Variants in ANKIB1 observed in about 807,000 individuals in gnomAD.
ANKIB1 encodes ankyrin repeat and IBR domain containing 1.
A neutral mutation model predicts 122.1 loss-of-function variants in ANKIB1; 43 were observed. The ratio of observed to expected loss-of-function variants is 0.35; its 90% CI spans 0.28 to 0.45. The LOEUF (loss-of-function observed/expected upper bound fraction) is 0.45. Among genes scored for constraint, ANKIB1 ranks in the 20% least tolerant of loss-of-function variants. The pLI is 1.00. For synonymous variants in ANKIB1, 390 were observed against 442.0 expected, an observed-to-expected ratio of 0.88 and a Z score of 1.48; for missense variants, 992 against 1,329.5, an observed-to-expected ratio of 0.75 and a Z score of 3.95.
chr7:92,350,043 G>A (rs935790005), intron 7 of ANKIB1, among the ~76,000 whole-genome samples: 2 of 149,450 alleles, frequency 1.3e-5, no homozygotes, highest in Non-Finnish European at 1.5e-5. Context: ...AGAAAAAAAA[G>A]AACCCTGCTT....
At chr7:92,266,631 G>A (rs1443475464) in intron 1 of ANKIB1, among the ~76,000 whole-genome samples, 9 of 152,148 alleles carry the variant, frequency 5.9e-5, no homozygotes, top group Admixed American at 5.9e-4. Flanking sequence ...CTCACTGGGG[G>A]CACTGTGTAC....
intron 3 of ANKIB1, among the ~76,000 whole-genome samples, chr7:92,316,609 A>G (rs534069416): frequency 3.7e-4 from 57 of 152,260 alleles, no homozygotes; most frequent in African/African-American, 1.1e-3. Flanking sequence ...CCTCACCCCA[A>G]CTGCAGTCAA....
rs1256231560 is a variant in ANKIB1 at position 92,343,033 on chromosome 7, G to A, written c.797G>A (p.Arg266Lys). 4 of 1,613,790 alleles carry A rather than the reference G, an allele frequency of 2.5e-6. No individual in the cohort carries two copies. The highest frequency in any genetic ancestry group is 3.3e-5 in the Admixed American group (2 of 59,990). ...EALLRAHDWDREKLLEAWMSN... is the reference protein window; with the variant it reads ...EALLRAHDWDKEKLLEAWMSN... ...TCCATTTTTCTTTAAGACTGGGACA[G>A]GGAGAAATTACTTGAAGCTTGGATG... Residue 266 changes from arginine to lysine, a missense_variant, in exon 6 of 20, where the codon AGG becomes AAG. This residue lies in a region of ANKIB1 where 521 missense variants were observed against 777.7 expected (regional missense o/e 0.67). Coordinates refer to ENST00000265742, the MANE Select transcript of ANKIB1 (RefSeq NM_019004.2).
intron 1 of ANKIB1, among the ~76,000 whole-genome samples, chr7:92,274,281 A>T (rs1399229098): frequency 6.6e-6 from 1 of 152,194 alleles, no homozygotes; most frequent in Non-Finnish European, 1.5e-5. Context: ...GTAGTCCCTA[A>T]CTTTAAGGAA....
intron 2 of ANKIB1, among the ~76,000 whole-genome samples, chr7:92,298,967 G>C (rs1180366507): frequency 6.6e-6 from 1 of 152,180 alleles, no homozygotes; most frequent in African/African-American, 2.4e-5. Flanking sequence ...GCTGTTGTTT[G>C]AGTTGTGAGT....
chr7:92,269,844 C>T (rs1014720154), intron 1 of ANKIB1, among the ~76,000 whole-genome samples: 16 of 151,380 alleles, frequency 1.1e-4, no homozygotes, highest in African/African-American at 3.9e-4. Context: ...ATGTGTACAG[C>T]GTGCAGGTTT....
At position 92,391,256 on chromosome 7, in the gene ANKIB1, T is replaced by C. The variant is rs776468244; in HGVS notation, c.2143T>C (p.Cys715Arg). 7 of 1,613,384 alleles carry C rather than the reference T, an allele frequency of 4.3e-6. No homozygotes were observed. The African/African-American group carries it at 6.7e-5, about 15-fold the overall frequency. The stretch of plus-strand genomic sequence containing the variant: ...CCGCCACAAGATCATCAAAGCAGCA[T>C]GCCTTGTACAGCAGAAGAGGCAAGA... ...TPRHKIIKAA[C>R]LVQQKRQEFL... The change falls in exon 16 of 20, where the codon TGC becomes CGC. Residue 715 changes from cysteine to arginine, a missense_variant. Cys to Arg is a radical substitution (Grantham distance 180). This residue lies in a region of ANKIB1 where 521 missense variants were observed against 777.7 expected (regional missense o/e 0.67). Coordinates refer to ENST00000265742, the MANE Select transcript of ANKIB1 (RefSeq NM_019004.2).
At chr7:92,316,559 G>A (rs1802796918) in intron 3 of ANKIB1, among the ~76,000 whole-genome samples, 2 of 152,158 alleles carry the variant, frequency 1.3e-5, no homozygotes, top group South Asian at 4.1e-4. Context: ...TTCTCTACAG[G>A]TGCCAAATGG....
At chr7:92,361,191 T>C (rs1338881201) in intron 9 of ANKIB1, among the ~76,000 whole-genome samples, 1 of 152,220 alleles carries the variant, frequency 6.6e-6, no homozygotes, top group African/African-American at 2.4e-5. Context: ...AAAATGGCAG[T>C]TCATCAAGGC....
At chr7:92,357,292 C>G (rs1803835328) in intron 9 of ANKIB1, among the ~76,000 whole-genome samples, 1 of 152,022 alleles carries the variant, frequency 6.6e-6, no homozygotes, top group Admixed American at 6.6e-5. Flanking sequence ...TAAACCCACC[C>G]TATTGGTGTC....
At chr7:92,278,251 AAAAT>A (rs1175439913) in intron 1 of ANKIB1, among the ~76,000 whole-genome samples, 6 of 152,258 alleles carry the variant, frequency 3.9e-5, no homozygotes, top group African/African-American at 1.2e-4. Context: ...ACCCTGTCTC[AAAAT>A]AAATAAATAA....
chr7:92,352,452 G>C, intron 8 of ANKIB1, 24 bp from the exon 9 acceptor site: 1 of 1,609,836 alleles, frequency 6.2e-7, no homozygotes, highest in Non-Finnish European at 8.5e-7. Flanking sequence ...TTTCTTTTGT[G>C]TTTTGTTATT....
At chr7:92,378,527 A>T (rs1043791113) in intron 11 of ANKIB1, among the ~76,000 whole-genome samples, 1 of 152,138 alleles carries the variant, frequency 6.6e-6, no homozygotes, top group African/African-American at 2.4e-5. Context: ...AAACAGTCAA[A>T]GAAATAGAAT....
chr7:92,398,068 A>C, intron 19 of ANKIB1, 144 bp from the exon 20 acceptor site: 1 of 1,101,196 alleles, frequency 9.1e-7, no homozygotes, highest in Non-Finnish European at 1.2e-6. Flanking sequence ...ATGGAGAAAA[A>C]TACAAGATTT....
At chr7:92,319,273 C>A in intron 3 of ANKIB1, 57 bp from the exon 4 acceptor site, 1 of 1,045,122 alleles carries the variant, frequency 9.6e-7, no homozygotes, top group Non-Finnish European at 1.4e-6. Context: ...TTAAAAATAG[C>A]ATGAAATAAC....
intron 1 of ANKIB1, among the ~76,000 whole-genome samples, chr7:92,258,292 T>C (rs1348903698): frequency 2.0e-5 from 3 of 152,242 alleles, no homozygotes; most frequent in Non-Finnish European, 4.4e-5. Flanking sequence ...AGGGATTTTA[T>C]AGTCTAGTAG....
chr7:92,306,367 A>G (rs777784991), intron 2 of ANKIB1, among the ~76,000 whole-genome samples: 1 of 152,060 alleles, frequency 6.6e-6, no homozygotes, highest in Admixed American at 6.5e-5. Context: ...CAACTCTTAG[A>G]TCTGGGTTTG....
At chr7:92,383,493 T>TA (rs757102299) in intron 11 of ANKIB1, among the ~76,000 whole-genome samples, 25 of 152,094 alleles carry the variant, frequency 1.6e-4, no homozygotes, top group Non-Finnish European at 3.1e-4. Context: ...AAATCCTCAA[T>TA]AAATACTGGC....
intron 4 of ANKIB1, among the ~76,000 whole-genome samples, chr7:92,325,191 A>G (rs1465837836): frequency 6.6e-6 from 1 of 152,214 alleles, no homozygotes; most frequent in Non-Finnish European, 1.5e-5. Flanking sequence ...ATATGCTGCT[A>G]TGAAAGCCCA....
Sources: gnomAD v4.1 joint callset for allele counts (sites outside exome capture counted in the v4.1 genomes callset) on GRCh38, gnomAD v4.1.1 for gene constraint, gnomAD v4.1.1 regional missense constraint, MANE v1.5 for transcripts, NCBI Gene and HGNC (gene_info 2026-07-23, HGNC 2026-07-21) for gene names.